Variants in PIGK observed in about 807,000 individuals in gnomAD.
The protein encoded by PIGK is GPI-anchor transamidase.
PIGK carries 42 observed loss-of-function variants against 50.6 expected under a neutral mutation model. The observed-to-expected ratio is 0.83, with a 90% CI of 0.65 to 1.07. PIGK has a LOEUF of 1.07. PIGK is among the 50% of genes least tolerant of loss of function. The pLI is 0.00. For missense variants in PIGK, 448 were observed against 488.7 expected, an observed-to-expected ratio of 0.92 and a Z score of 0.78; for synonymous variants, 151 against 156.0, an observed-to-expected ratio of 0.97 and a Z score of 0.24.
chr1:77,170,415 A>T (rs1391112896), intron 3 of PIGK, among the ~76,000 whole-genome samples: 1 of 152,170 alleles, frequency 6.6e-6, no homozygotes, highest in African/African-American at 2.4e-5. Context: ...CACTCCTCCC[A>T]GATCTTCATA....
chr1:77,123,222 T>G (rs1654143894), intron 9 of PIGK, among the ~76,000 whole-genome samples: 1 of 152,196 alleles, frequency 6.6e-6, no homozygotes, highest in African/African-American at 2.4e-5. Context: ...AAACATTTGA[T>G]TTCAAGACAA....
At chr1:77,191,269 A>T (rs1056908473) in intron 3 of PIGK, among the ~76,000 whole-genome samples, 4 of 152,236 alleles carry the variant, frequency 2.6e-5, no homozygotes, top group Non-Finnish European at 4.4e-5. Context: ...AAAATTTTTT[A>T]AAATCTTCAT....
At chr1:77,104,024 T>TTA (rs1653611018) in intron 10 of PIGK, among the ~76,000 whole-genome samples, 1 of 138,114 alleles carries the variant, frequency 7.2e-6, no homozygotes, top group Non-Finnish European at 1.6e-5. Context: ...GGGGCTATCT[T>TTA]AAAAAAAAAA....
intron 7 of PIGK, 41 bp downstream of exon 7, chr1:77,161,553 A>C (rs766664420): frequency 4.9e-6 from 5 of 1,016,718 alleles, no homozygotes; most frequent in African/African-American, 3.2e-5. Flanking sequence ...ATAGCTGCAC[A>C]TTCCAAAGAC....
chr1:77,098,905 T>G (rs75719267), intron 10 of PIGK, among the ~76,000 whole-genome samples: 1,924 of 152,296 alleles, frequency 0.013, 39 homozygotes, highest in African/African-American at 0.044. Context: ...TTTCTTTCTC[T>G]TCTTACAATT....
At chr1:77,093,615 A>G (rs1653346477) in intron 10 of PIGK, among the ~76,000 whole-genome samples, 1 of 152,164 alleles carries the variant, frequency 6.6e-6, no homozygotes, top group Non-Finnish European at 1.5e-5. Flanking sequence ...GCTTTTAATC[A>G]AATGCTTAAT....
chr1:77,158,416 G>A lies in PIGK; in HGVS notation c.813+2879C>T, dbSNP rs117055977. On this transcript the variant is annotated intron_variant, in intron 8 of 10. Transcript: ENST00000370812. ...TACAGTAAATTGGTACCAGCAGAGC[G>A]GGTTACTGCTATTAAGATACCCGAA... 0.014 allele frequency among the ~76,000 whole-genome samples: 2,129 copies of A among 152,122 alleles called. 259 individuals carry two copies. The East Asian group carries it at 0.31, about 22-fold the overall frequency.
At chr1:77,150,380 G>C (rs1022736354) in intron 9 of PIGK, among the ~76,000 whole-genome samples, 2 of 151,570 alleles carry the variant, frequency 1.3e-5, no homozygotes, top group African/African-American at 4.8e-5. Flanking sequence ...AATTAGCCTG[G>C]TGTGGTGGTG....
chr1:77,096,386 T>A (rs1230494543), intron 10 of PIGK, among the ~76,000 whole-genome samples: 1 of 152,096 alleles, frequency 6.6e-6, no homozygotes, highest in Non-Finnish European at 1.5e-5. Context: ...TATATCCCTA[T>A]CCTTTGAATC....
intron 8 of PIGK, 39 bp from the exon 9 acceptor site, chr1:77,154,660 A>T: frequency 8.2e-7 from 1 of 1,217,728 alleles, no homozygotes; most frequent in South Asian, 1.3e-5. Context: ...GCATCCACAC[A>T]CATACCACAT....
intron 10 of PIGK, among the ~76,000 whole-genome samples, chr1:77,109,527 G>A (rs966059480): frequency 3.9e-5 from 6 of 152,196 alleles, no homozygotes; most frequent in Admixed American, 3.9e-4. Context: ...TATCTCAATA[G>A]ATGCAGAAAA....
intron 10 of PIGK, among the ~76,000 whole-genome samples, chr1:77,120,068 T>C (rs1353379905): frequency 6.6e-6 from 1 of 152,148 alleles, no homozygotes; most frequent in East Asian, 1.9e-4. Flanking sequence ...GTAGGTAAAG[T>C]ATAAGATTAT....
chr1:77,165,628 T>C (rs1168396613), intron 5 of PIGK, among the ~76,000 whole-genome samples: 1 of 147,904 alleles, frequency 6.8e-6, no homozygotes, highest in South Asian at 2.1e-4. Context: ...GCAAGAAATA[T>C]ATAATCAATG....
At chr1:77,140,812 T>C (rs186473476) in intron 9 of PIGK, among the ~76,000 whole-genome samples, 2 of 152,318 alleles carry the variant, frequency 1.3e-5, no homozygotes, top group Admixed American at 6.5e-5. Context: ...GAAATCATTG[T>C]GAATATCACT....
chr1:77,109,042 T>A (rs969642560), intron 10 of PIGK, among the ~76,000 whole-genome samples: 1 of 152,062 alleles, frequency 6.6e-6, no homozygotes, highest in Admixed American at 6.6e-5. Flanking sequence ...ACATACACCC[T>A]CCCAAGACTA....
chr1:77,144,406 A>C (rs1654720949), intron 9 of PIGK, among the ~76,000 whole-genome samples: 1 of 151,942 alleles, frequency 6.6e-6, no homozygotes, highest in South Asian at 2.1e-4. Context: ...TATAAATATC[A>C]TATGATTTGT....
At chr1:77,129,300 T>C in intron 9 of PIGK, 2 of 1,600,992 alleles carry the variant, frequency 1.2e-6, no homozygotes, top group South Asian at 1.1e-5. Context: ...ATTCCGACGT[T>C]ACAATGGTGG....
chr1:77,211,053 G>A (rs1570266637), intron 1 of PIGK, among the ~76,000 whole-genome samples: 1 of 151,612 alleles, frequency 6.6e-6, no homozygotes, highest in East Asian at 1.9e-4. Flanking sequence ...CTGCAACCTC[G>A]CCCCACCATT....
rs964744256 is a variant in PIGK at position 77,188,110 on chromosome 1, T to A, written c.239+18530A>T. ...GTACAGCATGTGTGTTTGAGCAATA[T>A]GAAATGTGGGCATCTTGAAAAAAGA... On this transcript the variant is annotated intron_variant, in intron 3 of 10. Coordinates refer to ENST00000370812, the MANE Select transcript of PIGK (RefSeq NM_005482.3). Among the ~76,000 whole-genome samples, 3 of 152,188 alleles carry A rather than the reference T, an allele frequency of 2.0e-5. No homozygotes were observed. The South Asian group carries it at 6.2e-4, about 32-fold the overall frequency.
Sources: gnomAD v4.1 joint callset for allele counts (sites outside exome capture counted in the v4.1 genomes callset) on GRCh38, gnomAD v4.1.1 for gene constraint, MANE v1.5 for transcripts, NCBI Gene and HGNC (gene_info 2026-07-23, HGNC 2026-07-21) for gene names.